The following RASA3 variants were observed in gnomAD, a reference collection of about 807,000 sequenced individuals.
RASA3 encodes RAS p21 protein activator 3, also known as ras GTPase-activating protein 3.
Under a neutral mutation model 110.0 loss-of-function variants are expected in RASA3, and 73 were observed. That is an observed-to-expected ratio of 0.66 (90% CI 0.55 to 0.81). RASA3 has a LOEUF of 0.81. Ranked by LOEUF, RASA3 falls within the 30% of genes least tolerant of loss-of-function variation. The pLI is 0.00. For synonymous variants in RASA3, 500 were observed against 451.4 expected (o/e 1.11, Z -1.37); for missense variants, 976 against 1,113.2 (o/e 0.88, Z 1.75).
chr13:114,052,093 TAGA>T lies in RASA3; in HGVS notation c.233_235del (p.Phe78del), dbSNP rs2079155195. On this transcript the variant is annotated inframe_deletion, in exon 3 of 24. Transcript: ENST00000334062. Reference sequence around the variant, plus strand: ...CCGGAAAACGTCTCTATCGAAAATGTAGAAGGACAGGTGACGAAAGCTCCGAGG... The same window carrying T: ...CCGGAAAACGTCTCTATCGAAAATGTAGGACAGGTGACGAAAGCTCCGAGG... The T allele has an allele frequency of 4.3e-6, 7 of 1,613,218 alleles. No individual in the cohort carries two copies. The highest frequency in any genetic ancestry group is 1.1e-5 in the South Asian group (1 of 91,090).
chr13:113,991,420 C>T (rs1002170120), intron 22 of RASA3, among the ~76,000 whole-genome samples: 5 of 152,198 alleles, frequency 3.3e-5, no homozygotes, highest in East Asian at 1.9e-4. Flanking sequence ...AGGCACATTC[C>T]GCTCTATTTC....
In RASA3 at chr13:113,996,605, G is replaced by T. The variant is rs377441485; in HGVS notation, c.2067C>A (p.Ser689=). 44 of 1,613,502 alleles carry T rather than the reference G, an allele frequency of 2.7e-5. No individual in the cohort carries two copies. Among genetic ancestry groups the T allele is most frequent in the Non-Finnish European group, 3.6e-5 (42 of 1,180,044 alleles). The part of the protein sequence containing the change: ...NQKRLTVYHP[S]AYLSGHWLCC... Reference sequence around the variant, plus strand: ...ACAGCCAGTGGCCGCTCAGGTAGGCGGACGGGTGGTAGACGGTGAGGCGCT... The same window carrying T: ...ACAGCCAGTGGCCGCTCAGGTAGGCTGACGGGTGGTAGACGGTGAGGCGCT... The change falls in exon 21 of 24, where the codon TCC becomes TCA. Residue 689 remains serine, a synonymous_variant. Transcript: ENST00000334062.
chr13:114,129,348 G>C (rs1305770971), intron 1 of RASA3, among the ~76,000 whole-genome samples: 3 of 152,216 alleles, frequency 2.0e-5, no homozygotes, highest in African/African-American at 7.2e-5. Context: ...GATTCTTCAA[G>C]ACAAAGACTC....
intron 2 of RASA3, among the ~76,000 whole-genome samples, chr13:114,053,633 G>A (rs1407893994): frequency 6.6e-6 from 1 of 152,192 alleles, no homozygotes; most frequent in Admixed American, 6.5e-5. Context: ...CTCAGACCCC[G>A]CACCCATCTG....
At chr13:114,127,132 CAG>C (rs2080461472) in intron 1 of RASA3, among the ~76,000 whole-genome samples, 1 of 152,262 alleles carries the variant, frequency 6.6e-6, no homozygotes, top group African/African-American at 2.4e-5. Flanking sequence ...GCCACAGCCT[CAG>C]GGAGACGCCG....
intron 1 of RASA3, among the ~76,000 whole-genome samples, chr13:114,129,438 A>G (rs1415520908): frequency 1.3e-5 from 2 of 152,202 alleles, no homozygotes; most frequent in Admixed American, 1.3e-4. Flanking sequence ...TGGAAGGACA[A>G]AGAAAGAGGA....
chr13:114,023,123 TC>T (rs970256234), intron 8 of RASA3, among the ~76,000 whole-genome samples: 20 of 152,032 alleles, frequency 1.3e-4, no homozygotes, highest in African/African-American at 4.8e-4. Context: ...CCATTAAGGG[TC>T]CCCCCAGGGC....
chr13:114,110,786 G>C (rs2080207298), intron 1 of RASA3, among the ~76,000 whole-genome samples: 1 of 152,184 alleles, frequency 6.6e-6, no homozygotes, highest in Non-Finnish European at 1.5e-5. Context: ...AGAGCACCAG[G>C]ACACACCCAT....
At chr13:114,008,260 A>G (rs74599174) in intron 17 of RASA3, among the ~76,000 whole-genome samples, 2 of 40,484 alleles carry the variant, frequency 4.9e-5, no homozygotes, top group South Asian at 9.9e-4. Flanking sequence ...GGGCCTGGAT[A>G]TTCCCCCCAC....
At position 114,014,025 on chromosome 13, in the gene RASA3, T is replaced by TATCC. The variant is rs2053732130; in HGVS notation, c.1406-778_1406-777insGGAT. On this transcript the variant is annotated intron_variant, in intron 14 of 23. Transcript: ENST00000334062. This position sits in a 1 kb window ranked among gnomAD's most constrained non-coding sequence, Gnocchi z 4.5. ...GTCTGTCTCTGTCTCTCTCCATCTC[T>TATCC]CTCTCTCCGTCTCTATCTCTCTCTC... 8.5e-6 allele frequency among the ~76,000 whole-genome samples: 1 copy of TATCC among 118,270 alleles called. No individual in the cohort carries two copies. The highest frequency in any genetic ancestry group is 8.4e-5 in the Admixed American group (1 of 11,940). 77.6% of individuals were successfully genotyped at this position (118,270 alleles called of 152,430 possible).
intron 1 of RASA3, among the ~76,000 whole-genome samples, chr13:114,104,617 G>A (rs944527096): frequency 7.2e-5 from 11 of 152,286 alleles, no homozygotes; most frequent in South Asian, 2.1e-4. Flanking sequence ...CAGCCACCCC[G>A]TGGAGAACCA....
chr13:114,007,932 CTGTGGGGAGGAG>C (rs2053552993), intron 17 of RASA3, among the ~76,000 whole-genome samples: 5 of 121,848 alleles, frequency 4.1e-5, no homozygotes, highest in African/African-American at 1.3e-4. Flanking sequence ...GCATCCCTGA[CTGTGGGGAGGAG>C]CAGAGCCCTG....
rs1172855285 is a variant in RASA3 at position 114,018,759 on chromosome 13, G to A, written c.942+4C>T. 1.2e-6 allele frequency: 2 copies of A among 1,612,966 alleles called. No homozygotes were observed. The highest frequency in any genetic ancestry group is 1.7e-5 in the Admixed American group (1 of 60,010). On this transcript the variant is annotated splice_donor_region_variant and intron_variant, in intron 10 of 23. Coordinates refer to ENST00000334062, the MANE Select transcript of RASA3 (RefSeq NM_007368.4). ...CACCCACAGGCCACGGCGTGGACAA[G>A]CACCTCCACATCCGCAGACTTCAAC...
intron 20 of RASA3, among the ~76,000 whole-genome samples, chr13:113,998,101 C>T (rs972507650): frequency 9.2e-5 from 14 of 152,134 alleles, no homozygotes; most frequent in East Asian, 1.9e-4. Context: ...TGGGAACAGG[C>T]GGCTGAAACT....
At chr13:113,979,876 TG>T (rs1341910769) in intron 23 of RASA3, among the ~76,000 whole-genome samples, 1 of 151,000 alleles carries the variant, frequency 6.6e-6, no homozygotes, top group Admixed American at 6.6e-5. Context: ...CCTCCTGCCA[TG>T]TGTGTCCACT....
intron 8 of RASA3, among the ~76,000 whole-genome samples, chr13:114,023,769 C>T (rs576170990): frequency 6.6e-6 from 1 of 152,342 alleles, no homozygotes; most frequent in African/African-American, 2.4e-5. Flanking sequence ...GCTGAAGATG[C>T]AGCTTCTATG....
At chr13:114,060,983 C>T (rs1196463741) in intron 2 of RASA3, among the ~76,000 whole-genome samples, 1 of 145,410 alleles carries the variant, frequency 6.9e-6, no homozygotes, top group Non-Finnish European at 1.5e-5. Flanking sequence ...CCCCCACAGC[C>T]GGCAGACGGA....
intron 1 of RASA3, among the ~76,000 whole-genome samples, chr13:114,118,067 C>T (rs35349533): frequency 0.36 from 55,228 of 152,050 alleles, 10,570 homozygotes; most frequent in Non-Finnish European, 0.42. Context: ...TTAATCTTCC[C>T]GAGCACAATA....
intron 2 of RASA3, among the ~76,000 whole-genome samples, chr13:114,061,612 G>A (rs527576278): frequency 1.1e-3 from 171 of 151,370 alleles, no homozygotes; most frequent in African/African-American, 3.9e-3. Flanking sequence ...GGGAGGCGGA[G>A]GTTGCAGTGA....
Sources: gnomAD v4.1 joint callset for allele counts (sites outside exome capture counted in the v4.1 genomes callset) on GRCh38, gnomAD v4.1.1 for gene constraint, Gnocchi (gnomAD v3.1) non-coding constraint, MANE v1.5 for transcripts, NCBI Gene and HGNC (gene_info 2026-07-23, HGNC 2026-07-21) for gene names.